Variants in NLGN1 observed in about 807,000 individuals in gnomAD.
NLGN1 encodes neuroligin 1.
In NLGN1, 12 loss-of-function variants were observed where a neutral mutation model predicts 65.5. The observed-to-expected ratio is 0.18, with a 90% CI of 0.12 to 0.30. NLGN1 has a LOEUF of 0.30. Ranked by LOEUF, NLGN1 falls within the 10% of genes least tolerant of loss-of-function variation. The probability of loss-of-function intolerance (pLI) is 1.00; values close to 1 mark genes in which losing one functional copy is unlikely to be tolerated. For missense variants in NLGN1, 750 were observed against 1,007.1 expected (o/e 0.74, Z 3.46); for synonymous variants, 350 against 359.5 (o/e 0.97, Z 0.30).
At chr3:173,589,407 A>G in intron 2 of NLGN1, among the ~76,000 whole-genome samples, 1 of 152,188 alleles carries the variant, frequency 6.6e-6, no homozygotes, top group East Asian at 1.9e-4. Context: ...TGCTTCATTA[A>G]TAGAACTGCA....
At chr3:173,978,834 T>TA (rs34496124) in intron 4 of NLGN1, among the ~76,000 whole-genome samples, 10,529 of 111,002 alleles carry the variant, frequency 0.095, 488 homozygotes, top group Middle Eastern at 0.14. Context: ...CTTCTCTAAT[T>TA]AAAAAAAAAA....
chr3:174,001,263 A>G (rs1723236021), intron 4 of NLGN1, among the ~76,000 whole-genome samples: 1 of 152,138 alleles, frequency 6.6e-6, no homozygotes. Flanking sequence ...AAGACAGACT[A>G]AACACTGAGA....
intron 4 of NLGN1, among the ~76,000 whole-genome samples, chr3:173,959,502 C>T (rs1410965524): frequency 6.6e-6 from 1 of 152,218 alleles, no homozygotes; most frequent in Non-Finnish European, 1.5e-5. Context: ...TGTACCCTAA[C>T]TTTCAAATTT....
At chr3:173,533,314 A>C (rs1186109829) in intron 2 of NLGN1, among the ~76,000 whole-genome samples, 1 of 152,188 alleles carries the variant, frequency 6.6e-6, no homozygotes, top group African/African-American at 2.4e-5. Flanking sequence ...TTCTCAAAGA[A>C]TTTTTAATTC....
rs1463970253 is a variant in NLGN1, at chr3:174,154,997, T to TA, written c.647-120317dup. Among the ~76,000 whole-genome samples, 363 of 71,056 alleles carry TA rather than the reference T, an allele frequency of 5.1e-3. 6 individuals are homozygous for TA. In the East Asian group the frequency reaches 0.069, roughly 14 times the overall value. The allele number at this position is 71,056 out of a possible 152,430, so 46.6% of individuals were successfully genotyped here. A position where few individuals can be genotyped will look rare whatever the true frequency, so the allele number is the denominator to read the frequency against. On this transcript the variant is annotated intron_variant, in intron 4 of 6. Coordinates refer to ENST00000457714, the Ensembl canonical transcript of NLGN1. The stretch of plus-strand genomic sequence containing the variant: ...ATAATATATTATATTATATATTATA[T>TA]ATATTTATATATTGATATAAATATA...
At chr3:173,721,855 C>G (rs1192451263) in intron 3 of NLGN1, among the ~76,000 whole-genome samples, 3 of 151,966 alleles carry the variant, frequency 2.0e-5, no homozygotes, top group Non-Finnish European at 4.4e-5. Context: ...AAAGTGGCCC[C>G]CATTTGGCCA....
At chr3:173,705,500 A>G (rs950117633) in intron 3 of NLGN1, among the ~76,000 whole-genome samples, 4 of 152,144 alleles carry the variant, frequency 2.6e-5, no homozygotes, top group Non-Finnish European at 2.9e-5. Context: ...CTGCTTTGAA[A>G]CACACCTGAG....
intron 4 of NLGN1, among the ~76,000 whole-genome samples, chr3:174,078,744 A>G (rs1466738574): frequency 2.0e-5 from 3 of 152,164 alleles, no homozygotes; most frequent in African/African-American, 7.2e-5. Context: ...ATAGTCTCTG[A>G]AAAAGAAAAG....
At chr3:174,265,910 ATATGTAT>A (rs1748077459) in intron 4 of NLGN1, among the ~76,000 whole-genome samples, 2 of 95,704 alleles carry the variant, frequency 2.1e-5, no homozygotes, top group East Asian at 5.3e-4. Flanking sequence ...ATATGTGTAT[ATATGTAT>A]ATATGTATAT....
intron 2 of NLGN1, among the ~76,000 whole-genome samples, chr3:173,590,288 T>G (rs761874279): frequency 1.3e-5 from 2 of 152,180 alleles, no homozygotes; most frequent in Non-Finnish European, 2.9e-5. Context: ...GTGACAGTGT[T>G]ATCTATTCTT....
chr3:173,662,232 C>G (rs1257451769), intron 3 of NLGN1, among the ~76,000 whole-genome samples: 1 of 151,992 alleles, frequency 6.6e-6, no homozygotes, highest in Non-Finnish European at 1.5e-5. Context: ...CAAATAGGCC[C>G]TTACAGAGCT....
At chr3:173,719,779 G>C (rs945836035) in intron 3 of NLGN1, among the ~76,000 whole-genome samples, 11 of 152,140 alleles carry the variant, frequency 7.2e-5, no homozygotes, top group Non-Finnish European at 1.5e-5. Context: ...CTAGGATAGG[G>C]TGTTCTCAAA....
intron 2 of NLGN1, among the ~76,000 whole-genome samples, chr3:173,537,520 A>G (rs1737654452): frequency 6.6e-6 from 1 of 151,472 alleles, no homozygotes. Flanking sequence ...GTGTGTGTGT[A>G]AATATATTTA....
At chr3:173,411,438 C>T (rs1418855617) in intron 1 of NLGN1, among the ~76,000 whole-genome samples, 1 of 152,052 alleles carries the variant, frequency 6.6e-6, no homozygotes, top group Non-Finnish European at 1.5e-5. Flanking sequence ...TTTTTATGAT[C>T]CCACTTTTGC....
intron 4 of NLGN1, among the ~76,000 whole-genome samples, chr3:173,933,660 G>A (rs1433208704): frequency 6.6e-6 from 1 of 152,060 alleles, no homozygotes; most frequent in Non-Finnish European, 1.5e-5. Flanking sequence ...TCCTCTTTCA[G>A]AAACATATGA....
chr3:173,779,422 A>G (rs1267890603), intron 3 of NLGN1, among the ~76,000 whole-genome samples: 4 of 152,054 alleles, frequency 2.6e-5, no homozygotes, highest in East Asian at 1.9e-4. Flanking sequence ...ATTAGAAAAT[A>G]TGGAGATTAA....
In NLGN1 at chr3:174,080,922, G is replaced by GGTGTGTGTGT. The variant is rs571057944; in HGVS notation, c.647-194367_647-194358dup. ...AATTTGATGGTCGCCTGACATTCCT[G>GGTGTGTGTGT]GTGTGTGTGTGTGTGTGTGTGTGTG... is the stretch of plus-strand genomic sequence containing the variant. On this transcript the variant is annotated intron_variant, in intron 4 of 6. Coordinates refer to ENST00000457714, the Ensembl canonical transcript of NLGN1. Among the ~76,000 whole-genome samples, 1,265 of 141,246 alleles carry GGTGTGTGTGT rather than the reference G, an allele frequency of 9.0e-3. 27 individuals are homozygous for GGTGTGTGTGT. The highest frequency in any genetic ancestry group is 0.029 in the African/African-American group (1,104 of 37,424). The allele number at this position is 141,246 out of a possible 152,430, so 92.7% of individuals were successfully genotyped here.
intron 4 of NLGN1, among the ~76,000 whole-genome samples, chr3:174,158,751 C>T (rs1219955752): frequency 6.6e-6 from 1 of 151,560 alleles, no homozygotes; most frequent in Non-Finnish European, 1.5e-5. Flanking sequence ...GGAGGCAAGA[C>T]AGGATATATG....
intron 4 of NLGN1, among the ~76,000 whole-genome samples, chr3:174,036,807 A>G (rs1731233934): frequency 2.0e-5 from 3 of 151,930 alleles, no homozygotes; most frequent in Admixed American, 1.3e-4. Context: ...CTCTGTGTCC[A>G]TGTGTTCCCA....
Sources: gnomAD v4.1 joint callset for allele counts (sites outside exome capture counted in the v4.1 genomes callset) on GRCh38, gnomAD v4.1.1 for gene constraint, MANE v1.5 for transcripts, NCBI Gene and HGNC (gene_info 2026-07-23, HGNC 2026-07-21) for gene names.